The following ULK4 variants were observed in gnomAD, a reference collection of about 807,000 sequenced individuals.
ULK4 encodes the protein unc-51 like kinase 4.
Under a neutral mutation model 160.6 loss-of-function variants are expected in ULK4, and 133 were observed. That is an observed-to-expected ratio of 0.83 (90% CI 0.72 to 0.96). The LOEUF (loss-of-function observed/expected upper bound fraction) is 0.96, where lower values mean the gene tolerates loss of function less well. Ranked by LOEUF, ULK4 falls within the 40% of genes least tolerant of loss-of-function variation. The pLI is 0.00. For missense variants in ULK4, 1,580 were observed against 1,499.5 expected (o/e 1.05, Z -0.89); for synonymous variants, 534 against 539.8 (o/e 0.99, Z 0.15).
chr3:41,267,694 T>C (rs2079067616), intron 35 of ULK4, among the ~76,000 whole-genome samples: 1 of 152,164 alleles, frequency 6.6e-6, no homozygotes, highest in South Asian at 2.1e-4. Context: ...AGAGCCTAAT[T>C]TGACATCAGC....
chr3:41,549,128 G>A (rs1478212464), intron 32 of ULK4, among the ~76,000 whole-genome samples: 1 of 152,068 alleles, frequency 6.6e-6, no homozygotes, highest in Non-Finnish European at 1.5e-5. Context: ...AAGGACATAA[G>A]AGAAATGAAA....
At position 41,762,722 on chromosome 3, in the gene ULK4, G is replaced by A. The variant is rs565156150; in HGVS notation, c.2194-8234C>T. On this transcript the variant is annotated intron_variant, in intron 21 of 36. Coordinates refer to ENST00000301831, the MANE Select transcript of ULK4 (RefSeq NM_017886.4). ...CTGTCGCCCAGGCTGGAGTGCAGTG[G>A]CATGATATCGGCTCACTGCAAGCTC... Among the ~76,000 whole-genome samples, 6 of 147,744 alleles carry A rather than the reference G, an allele frequency of 4.1e-5. No homozygotes were observed. In the South Asian group the frequency reaches 1.3e-3, roughly 32 times the overall value.
intron 21 of ULK4, among the ~76,000 whole-genome samples, chr3:41,761,093 A>G (rs2038968002): frequency 6.6e-6 from 1 of 152,164 alleles, no homozygotes; most frequent in African/African-American, 2.4e-5. Context: ...ACTGGGATGG[A>G]GGGTGGTTTG....
At chr3:41,841,257 G>C (rs1243544336) in intron 17 of ULK4, among the ~76,000 whole-genome samples, 1 of 142,382 alleles carries the variant, frequency 7.0e-6, no homozygotes, top group South Asian at 2.3e-4. Flanking sequence ...TGGGAGGTGG[G>C]GAGCGCCTCT....
At chr3:41,780,916 C>T (rs2039818596) in intron 21 of ULK4, among the ~76,000 whole-genome samples, 3 of 151,952 alleles carry the variant, frequency 2.0e-5, no homozygotes, top group African/African-American at 7.3e-5. Flanking sequence ...AATTCAAATT[C>T]CCACACAGAA....
chr3:41,952,991 T>C (rs1171970778), intron 2 of ULK4, among the ~76,000 whole-genome samples: 1 of 151,568 alleles, frequency 6.6e-6, no homozygotes, highest in East Asian at 1.9e-4. Context: ...TATAGAGTAG[T>C]CAAAACCACA....
At chr3:41,304,139 G>C (rs1007438620) in intron 35 of ULK4, among the ~76,000 whole-genome samples, 5 of 152,030 alleles carry the variant, frequency 3.3e-5, no homozygotes, top group Non-Finnish European at 5.9e-5. Flanking sequence ...CAGACGTGGT[G>C]GTGGGCACCT....
intron 27 of ULK4, among the ~76,000 whole-genome samples, chr3:41,701,008 G>T (rs7637363): frequency 4.0e-5 from 6 of 150,456 alleles, no homozygotes; most frequent in African/African-American, 1.2e-4. Flanking sequence ...GAAGACAGGG[G>T]AAAAAAAAGA....
chr3:41,721,795 C>G (rs1047323877), intron 22 of ULK4, among the ~76,000 whole-genome samples: 1 of 152,142 alleles, frequency 6.6e-6, no homozygotes, highest in Non-Finnish European at 1.5e-5. Context: ...GGCAAACAGA[C>G]AGCCCGATTT....
chr3:41,660,039 C>A (rs1229991608), intron 30 of ULK4, among the ~76,000 whole-genome samples: 1 of 152,112 alleles, frequency 6.6e-6, no homozygotes, highest in African/African-American at 2.4e-5. Context: ...CCTGTAATAC[C>A]ACCACTTTGG....
intron 30 of ULK4, among the ~76,000 whole-genome samples, chr3:41,637,685 C>T (rs2034014253): frequency 6.6e-6 from 1 of 152,186 alleles, no homozygotes; most frequent in Non-Finnish European, 1.5e-5. Context: ...CTTTTCTCCA[C>T]ACCTTCTCCA....
intron 35 of ULK4, among the ~76,000 whole-genome samples, chr3:41,353,115 A>G (rs1575459808): frequency 6.6e-6 from 1 of 152,286 alleles, no homozygotes; most frequent in East Asian, 1.9e-4. Flanking sequence ...CTGTTCCAGG[A>G]TACTGTCTCC....
At position 41,907,997 on chromosome 3, in the gene ULK4, T is replaced by C. The variant is rs1698639276; in HGVS notation, c.1086-56A>G. The C allele has an allele frequency of 6.9e-6, 9 of 1,311,596 alleles. No individual in the cohort carries two copies. In the South Asian group the frequency reaches 1.4e-4, roughly 20 times the overall value. The allele number at this position is 1,311,596 out of a possible 1,614,324, so 81.2% of individuals were successfully genotyped here. A position where few individuals can be genotyped will look rare whatever the true frequency, so the allele number is the denominator to read the frequency against. On this transcript the variant is annotated intron_variant, in intron 11 of 36. Transcript: ENST00000301831. ...AATTCCAGACAGTTTATTCTCTGTT[T>C]ACTGTTTTCTGGAAGAAAACAAGTC...
chr3:41,389,953 G>C (rs1051658329), intron 35 of ULK4, among the ~76,000 whole-genome samples: 4 of 152,172 alleles, frequency 2.6e-5, no homozygotes, highest in African/African-American at 7.2e-5. Context: ...AATGGTACCA[G>C]CTCCTCCTTG....
intron 12 of ULK4, among the ~76,000 whole-genome samples, chr3:41,907,367 G>A (rs190231979): frequency 2.8e-4 from 42 of 151,768 alleles, no homozygotes; most frequent in African/African-American, 1.0e-3. Context: ...TGCTGTCATT[G>A]CTCACTGCAG....
At chr3:41,661,715 C>G (rs1281711878) in intron 30 of ULK4, among the ~76,000 whole-genome samples, 2 of 151,978 alleles carry the variant, frequency 1.3e-5, no homozygotes, top group African/African-American at 2.4e-5. Context: ...GAATTTAAGG[C>G]AAAAACAGTA....
chr3:41,541,703 T>C (rs573495996), intron 32 of ULK4, among the ~76,000 whole-genome samples: 27 of 152,184 alleles, frequency 1.8e-4, no homozygotes, highest in Non-Finnish European at 4.0e-4. Context: ...TCTCACCACC[T>C]TGAGCAGTGG....
chr3:41,890,572 C>T (rs546735459), intron 16 of ULK4, among the ~76,000 whole-genome samples: 9 of 151,074 alleles, frequency 6.0e-5, no homozygotes, highest in South Asian at 2.1e-4. Flanking sequence ...CCCAGCTACT[C>T]GGGAGGCTGA....
intron 16 of ULK4, among the ~76,000 whole-genome samples, chr3:41,892,046 C>T (rs1331118458): frequency 6.6e-6 from 1 of 152,208 alleles, no homozygotes; most frequent in Non-Finnish European, 1.5e-5. Context: ...AAGTATAAAA[C>T]TCTTATTTGA....
Sources: gnomAD v4.1 joint callset for allele counts (sites outside exome capture counted in the v4.1 genomes callset) on GRCh38, gnomAD v4.1.1 for gene constraint, MANE v1.5 for transcripts, NCBI Gene and HGNC (gene_info 2026-07-23, HGNC 2026-07-21) for gene names.